Variants in DKK3 observed in about 807,000 individuals in gnomAD.
The protein encoded by DKK3 is dickkopf Wnt signaling pathway inhibitor 3, also known as dickkopf-related protein 3.
A neutral mutation model predicts 33.2 loss-of-function variants in DKK3; 22 were observed. The ratio of observed to expected loss-of-function variants is 0.66; its 90% CI spans 0.47 to 0.95. DKK3 has a LOEUF of 0.95. DKK3 is among the 40% of genes least tolerant of loss of function. The pLI is 0.00. For missense variants in DKK3, 398 were observed against 458.4 expected, an observed-to-expected ratio of 0.87 and a Z score of 1.20; for synonymous variants, 194 against 188.8, an observed-to-expected ratio of 1.03 and a Z score of -0.23.
At chr11:11,990,468 A>G (rs1390291098) in intron 3 of DKK3, among the ~76,000 whole-genome samples, 2 of 152,256 alleles carry the variant, frequency 1.3e-5, no homozygotes, top group Non-Finnish European at 2.9e-5. Context: ...GGATTAAGCA[A>G]AGCTCCATCG....
At chr11:11,999,587 T>A (rs1231984649) in intron 2 of DKK3, among the ~76,000 whole-genome samples, 1 of 152,162 alleles carries the variant, frequency 6.6e-6, no homozygotes. Context: ...ATCGTGCCAC[T>A]GCACTACTCC....
At chr11:11,998,601 C>A in intron 3 of DKK3, 95 bp downstream of exon 3, 1 of 1,084,642 alleles carries the variant, frequency 9.2e-7, no homozygotes, top group South Asian at 1.3e-5. Context: ...CCACTCCCTC[C>A]TGCCCATGGT....
At chr11:11,979,921 G>A (rs979983754) in intron 3 of DKK3, 2 of 152,264 alleles carry the variant, frequency 1.3e-5, no homozygotes, top group Non-Finnish European at 2.9e-5. Flanking sequence ...TGCCTTCCAG[G>A]CCCTGGGAAC....
intron 6 of DKK3, among the ~76,000 whole-genome samples, chr11:11,965,373 G>C (rs576883807): frequency 9.8e-5 from 15 of 152,342 alleles, no homozygotes; most frequent in African/African-American, 2.9e-4. Context: ...GGCCAGGCTT[G>C]AGCCTCATGC....
At position 11,963,330 on chromosome 11, in the gene DKK3, C is replaced by T. The variant is rs1047122757; in HGVS notation, c.*1134G>A. ...TATTACAACCATGTTTCACACAGCC[C>T]TGCTCGGTTTGATTTTCTCCACGTG... On this transcript the variant is annotated 3_prime_UTR_variant, in exon 7 of 7. Coordinates refer to ENST00000683431, the MANE Select transcript of DKK3 (RefSeq NM_001018057.2). 1 of 152,462 alleles carries T rather than the reference C, an allele frequency of 6.6e-6. No individual in the cohort carries two copies. Among genetic ancestry groups the T allele is most frequent in the African/African-American group, 2.4e-5 (1 of 41,456 alleles). The allele number at this position is 152,462 out of a possible 1,614,324, so 9.4% of individuals were successfully genotyped here.
chr11:11,990,020 G>A (rs552873802), intron 3 of DKK3, among the ~76,000 whole-genome samples: 12 of 152,302 alleles, frequency 7.9e-5, no homozygotes, highest in African/African-American at 2.4e-4. Flanking sequence ...AGCCCTTGAT[G>A]TTATTTTAAA....
chr11:11,967,503 G>A (rs1002223293), intron 4 of DKK3, among the ~76,000 whole-genome samples: 1 of 152,240 alleles, frequency 6.6e-6, no homozygotes, highest in African/African-American at 2.4e-5. Context: ...AGGATGGCCT[G>A]TGGGTGCCAG....
upstream of DKK3, chr11:12,008,840 C>A (rs932227854): frequency 4.5e-5 from 52 of 1,160,894 alleles, no homozygotes; most frequent in Non-Finnish European, 5.3e-5. The surrounding 1 kb of genome is among the most constrained non-coding windows in gnomAD (Gnocchi z 4.6). Context: ...CACCCCCATC[C>A]TCGAGCACAA....
intron 1 of DKK3, among the ~76,000 whole-genome samples, chr11:12,004,532 C>T (rs1324342419): frequency 6.6e-6 from 1 of 152,064 alleles, no homozygotes; most frequent in Non-Finnish European, 1.5e-5. Context: ...GCAGCATCCT[C>T]GGAGAGGAAC....
intron 3 of DKK3, among the ~76,000 whole-genome samples, chr11:11,988,409 C>T (rs1479420575): frequency 6.6e-6 from 1 of 152,212 alleles, no homozygotes; most frequent in Non-Finnish European, 1.5e-5. Context: ...CTTCTGCATT[C>T]CCCGCTTCCC....
rs180932283 is a variant in DKK3, at chr11:12,005,440, A to G, written c.213+2930T>C. Reference sequence around the variant, plus strand: ...GAGGCAGTAAGAACATTCTAAAATGAGTGAGTTACAGAGCTGGCCATGAGG... The same window carrying G: ...GAGGCAGTAAGAACATTCTAAAATGGGTGAGTTACAGAGCTGGCCATGAGG... On this transcript the variant is annotated intron_variant, in intron 1 of 6. Transcript: ENST00000683431. Among the ~76,000 whole-genome samples the G allele has an allele frequency of 2.2e-4, 33 of 152,356 alleles. No individual in the cohort carries two copies. The East Asian group carries it at 6.2e-3, about 28-fold the overall frequency.
At chr11:11,985,782 T>C (rs945592316) in intron 3 of DKK3, among the ~76,000 whole-genome samples, 2 of 152,152 alleles carry the variant, frequency 1.3e-5, no homozygotes, top group African/African-American at 4.8e-5. Flanking sequence ...ACAGCATCTG[T>C]GTATGTGCTT....
At chr11:12,006,103 C>T (rs16910343) in intron 1 of DKK3, among the ~76,000 whole-genome samples, 10,181 of 152,228 alleles carry the variant, frequency 0.067, 442 homozygotes, top group South Asian at 0.15. Context: ...ACGTGTTTTA[C>T]TTAACCCCAT....
intron 3 of DKK3, among the ~76,000 whole-genome samples, chr11:11,975,641 G>T (rs1847817248): frequency 1.3e-5 from 2 of 152,330 alleles, no homozygotes; most frequent in South Asian, 4.1e-4. Context: ...AGAGTCAGCA[G>T]TGTGGGTGAA....
At position 11,968,376 on chromosome 11, in the gene DKK3, G is replaced by C. The variant is rs927460504; in HGVS notation, c.528+19C>G. On this transcript the variant is annotated intron_variant, in intron 4 of 6. Transcript: ENST00000683431. ...CTGAGACCCTGGTGCCACAGCCCCA[G>C]AGGCCCTGGCATACTCACCATCCTC... The C allele has an allele frequency of 2.2e-5, 35 of 1,605,180 alleles. No homozygotes were observed. The highest frequency in any genetic ancestry group is 3.0e-5 in the Non-Finnish European group (35 of 1,174,822).
chr11:12,007,642 C>T (rs1203826743), intron 1 of DKK3, among the ~76,000 whole-genome samples: 1 of 152,186 alleles, frequency 6.6e-6, no homozygotes, highest in African/African-American at 2.4e-5. Flanking sequence ...TATTATTTGC[C>T]AGGTGCCCAC....
chr11:11,989,319 C>A (rs1460554829), intron 3 of DKK3, among the ~76,000 whole-genome samples: 1 of 152,150 alleles, frequency 6.6e-6, no homozygotes, highest in African/African-American at 2.4e-5. Context: ...CCCAAGGGTG[C>A]ATTGACAAAT....
chr11:12,009,466 C>G (rs1053683867), upstream of DKK3: 3 of 905,578 alleles, frequency 3.3e-6, no homozygotes, highest in African/African-American at 5.4e-5. Flanking sequence ...CCACCTCACG[C>G]CCCACGCCCC....
At chr11:12,004,076 T>C (rs1848489209) in intron 1 of DKK3, among the ~76,000 whole-genome samples, 2 of 152,232 alleles carry the variant, frequency 1.3e-5, no homozygotes, top group South Asian at 4.1e-4. Context: ...GGGCATTGAC[T>C]ATGTCTGAAT....
Sources: gnomAD v4.1 joint callset for allele counts (sites outside exome capture counted in the v4.1 genomes callset) on GRCh38, gnomAD v4.1.1 for gene constraint, Gnocchi (gnomAD v3.1) non-coding constraint, MANE v1.5 for transcripts, NCBI Gene and HGNC (gene_info 2026-07-23, HGNC 2026-07-21) for gene names.